Variants in MOB1B observed in about 807,000 individuals in gnomAD.
MOB1B encodes the protein MOB1 Mps One Binder homolog B.
MOB1B carries 19 observed loss-of-function variants against 24.4 expected under a neutral mutation model. That is an observed-to-expected ratio of 0.78 (90% CI 0.54 to 1.14). The LOEUF is 1.14. MOB1B is among the 50% of genes most tolerant of loss of function. MOB1B has a pLI of 0.00. For missense variants in MOB1B, 243 were observed against 259.6 expected (o/e 0.94, Z 0.44); for synonymous variants, 76 against 82.1 (o/e 0.93, Z 0.40).
rs1736499354 is a variant in MOB1B at position 70,923,063 on chromosome 4, C to T, written c.14+20513C>T. Among the ~76,000 whole-genome samples, 3 of 152,162 alleles carry T rather than the reference C, an allele frequency of 2.0e-5. No homozygotes were observed. In the South Asian group the frequency reaches 6.2e-4, roughly 31 times the overall value. ...TGAAGAGCACTGGGGCCAAACAGTACCAAAGGAGAACGTCACATTAATCAG... is the reference window on the plus strand; with the variant it reads ...TGAAGAGCACTGGGGCCAAACAGTATCAAAGGAGAACGTCACATTAATCAG... On this transcript the variant is annotated intron_variant, in intron 1 of 5. Coordinates refer to ENST00000309395, the MANE Select transcript of MOB1B (RefSeq NM_173468.4).
At chr4:70,948,329 A>G (rs1737670519) in intron 1 of MOB1B, among the ~76,000 whole-genome samples, 1 of 152,210 alleles carries the variant, frequency 6.6e-6, no homozygotes, top group South Asian at 2.1e-4. Flanking sequence ...ACGTAGTCAC[A>G]TACCTTACAA....
At chr4:70,952,671 CAAAA>C (rs1241028649) in intron 1 of MOB1B, among the ~76,000 whole-genome samples, 8 of 137,882 alleles carry the variant, frequency 5.8e-5, no homozygotes, top group African/African-American at 1.9e-4. Flanking sequence ...AAAACAAAAA[CAAAA>C]AAAAAACTTT....
At chr4:70,959,497 A>G (rs1738210887) in intron 2 of MOB1B, among the ~76,000 whole-genome samples, 1 of 152,208 alleles carries the variant, frequency 6.6e-6, no homozygotes, top group Non-Finnish European at 1.5e-5. Flanking sequence ...TACAGGCACT[A>G]GTCACCACAT....
chr4:70,902,446 T>C lies in MOB1B; in HGVS notation c.-91T>C. The C allele has an allele frequency of 2.2e-6, 3 of 1,390,608 alleles. No homozygotes were observed. Among genetic ancestry groups the C allele is most frequent in the Non-Finnish European group, 3.0e-6 (3 of 1,001,438 alleles). 86.1% of individuals were successfully genotyped at this position (1,390,608 alleles called of 1,614,324 possible). On this transcript the variant is annotated 5_prime_UTR_variant, in exon 1 of 6. Coordinates refer to ENST00000309395, the MANE Select transcript of MOB1B (RefSeq NM_173468.4). ...GCACCTCCTCCTCCGCCTCCCTGTC[T>C]CCTGTTCCATTCGCCTTTCCTCTTC...
rs546870138 is a variant in MOB1B at position 70,919,347 on chromosome 4, G to A, written c.14+16797G>A. 5.3e-5 allele frequency among the ~76,000 whole-genome samples: 8 copies of A among 151,216 alleles called. No individual in the cohort carries two copies. The South Asian group carries it at 1.7e-3, about 32-fold the overall frequency. ...AAAAAAAGACAATTTTGAAACTGAA[G>A]TTTGATTTTGGAATTCCAGATTCCC... is the stretch of plus-strand genomic sequence containing the variant. On this transcript the variant is annotated intron_variant, in intron 1 of 5. Coordinates refer to ENST00000309395, the MANE Select transcript of MOB1B (RefSeq NM_173468.4).
At chr4:70,910,873 C>T (rs1735954819) in intron 1 of MOB1B, among the ~76,000 whole-genome samples, 1 of 151,972 alleles carries the variant, frequency 6.6e-6, no homozygotes, top group Non-Finnish European at 1.5e-5. Context: ...ACTGCAACCT[C>T]CGCCTCCTGG....
chr4:70,912,287 T>A (rs1736020699), intron 1 of MOB1B, among the ~76,000 whole-genome samples: 1 of 151,452 alleles, frequency 6.6e-6, no homozygotes, highest in Non-Finnish European at 1.5e-5. Flanking sequence ...AATTAAATTT[T>A]TTTTTTTTTT....
intron 1 of MOB1B, among the ~76,000 whole-genome samples, chr4:70,903,733 A>G (rs563999217): frequency 2.1e-4 from 32 of 151,994 alleles, no homozygotes; most frequent in Middle Eastern, 3.4e-3. Context: ...ACATGCTCAC[A>G]TCTAGAATTT....
At chr4:70,967,500 GAAGA>G (rs1738582525) in intron 2 of MOB1B, among the ~76,000 whole-genome samples, 1 of 152,108 alleles carries the variant, frequency 6.6e-6, no homozygotes, top group African/African-American at 2.4e-5. Flanking sequence ...GACTGGAAAG[GAAGA>G]AAGAATTATT....
intron 3 of MOB1B, among the ~76,000 whole-genome samples, chr4:70,973,014 C>T (rs1049075526): frequency 6.6e-6 from 1 of 152,096 alleles, no homozygotes; most frequent in Non-Finnish European, 1.5e-5. Flanking sequence ...ACCTCATGAT[C>T]CGCCCGCCTC....
chr4:70,927,702 C>T (rs1736709050), intron 1 of MOB1B, among the ~76,000 whole-genome samples: 1 of 152,148 alleles, frequency 6.6e-6, no homozygotes, highest in South Asian at 2.1e-4. Flanking sequence ...CTTGGCATTG[C>T]TGCCACTGCT....
rs1739287557 is a variant in MOB1B at position 70,983,630 on chromosome 4, GAAATAGTATAGATTA to G, written c.*1577_*1591del. On this transcript the variant is annotated 3_prime_UTR_variant, in exon 6 of 6. Transcript: ENST00000309395. ...ACATCTAGGAAGAAATGCTTGCTCTGAAATAGTATAGATTAAAAACACTCAGTAGAAAAGAATCTA... is the reference window on the plus strand; with the variant it reads ...ACATCTAGGAAGAAATGCTTGCTCTGAAAACACTCAGTAGAAAAGAATCTA... 6.6e-6 allele frequency: 1 copy of G among 152,466 alleles called. No individual in the cohort carries two copies. Among genetic ancestry groups the G allele is most frequent in the African/African-American group, 2.4e-5 (1 of 41,412 alleles). The allele number at this position is 152,466 out of a possible 1,614,324, so 9.4% of individuals were successfully genotyped here.
intron 2 of MOB1B, among the ~76,000 whole-genome samples, chr4:70,966,118 C>T (rs1738521138): frequency 6.6e-6 from 1 of 152,070 alleles, no homozygotes; most frequent in Non-Finnish European, 1.5e-5. Context: ...ACTAGGTCAT[C>T]TAACTTTTGA....
At chr4:70,975,675 A>G (rs1290191325) in intron 4 of MOB1B, 1 of 959,306 alleles carries the variant, frequency 1.0e-6, no homozygotes, top group Non-Finnish European at 1.2e-6. Flanking sequence ...TATGATCATC[A>G]TTGAGAATAA....
intron 4 of MOB1B, chr4:70,976,623 T>C (rs868544374): frequency 1.0e-5 from 10 of 974,284 alleles, no homozygotes; most frequent in Non-Finnish European, 1.1e-5. Context: ...CATTTTACGA[T>C]TTTTTTTGAA....
intron 1 of MOB1B, among the ~76,000 whole-genome samples, chr4:70,939,837 CAGA>C (rs1737258835): frequency 6.6e-6 from 1 of 152,194 alleles, no homozygotes; most frequent in South Asian, 2.1e-4. Context: ...CCTTGGTGTA[CAGA>C]AGAATTGGAT....
intron 3 of MOB1B, among the ~76,000 whole-genome samples, chr4:70,972,012 T>A (rs1265903138): frequency 6.6e-6 from 1 of 151,828 alleles, no homozygotes; most frequent in Non-Finnish European, 1.5e-5. Flanking sequence ...TTCTCCCTTT[T>A]TTTTTTTGGG....
At chr4:70,952,296 T>C (rs1737840639) in intron 1 of MOB1B, among the ~76,000 whole-genome samples, 2 of 151,998 alleles carry the variant, frequency 1.3e-5, no homozygotes, top group Admixed American at 1.3e-4. Context: ...TATAACAGTC[T>C]TCTGGATATG....
intron 2 of MOB1B, among the ~76,000 whole-genome samples, chr4:70,962,156 C>T (rs1480720580): frequency 1.3e-5 from 2 of 152,060 alleles, no homozygotes; most frequent in African/African-American, 4.8e-5. Flanking sequence ...CCCAGGAGTT[C>T]GAGGTTAGCC....
Sources: allele counts gnomAD v4.1 joint callset (sites outside exome capture counted in the v4.1 genomes callset), GRCh38; gene constraint gnomAD v4.1.1; transcripts MANE v1.5; gene names NCBI Gene and HGNC (gene_info 2026-07-23, HGNC 2026-07-21).